The following WWP2 variants were observed in gnomAD, a reference collection of about 807,000 sequenced individuals.
WWP2 encodes the protein NEDD4-like E3 ubiquitin-protein ligase WWP2.
A neutral mutation model predicts 121.0 loss-of-function variants in WWP2; 57 were observed. That is an observed-to-expected ratio of 0.47 (90% CI 0.38 to 0.59). The LOEUF (loss-of-function observed/expected upper bound fraction) is 0.59. Ranked by LOEUF, WWP2 falls within the 20% of genes least tolerant of loss-of-function variation. WWP2 has a pLI of 0.00. For synonymous variants in WWP2, 449 were observed against 441.3 expected, an observed-to-expected ratio of 1.02 and a Z score of -0.22; for missense variants, 962 against 1,158.9, an observed-to-expected ratio of 0.83 and a Z score of 2.47.
chr16:69,813,992 G>C (rs2056444371), intron 4 of WWP2, among the ~76,000 whole-genome samples: 1 of 152,170 alleles, frequency 6.6e-6, no homozygotes, highest in Non-Finnish European at 1.5e-5. Flanking sequence ...TTTTTGAAGT[G>C]TGATCCTGAG....
At chr16:69,841,929 C>T (rs981573524) in intron 5 of WWP2, 95 bp from the exon 6 acceptor site, 3 of 1,274,288 alleles carry the variant, frequency 2.4e-6, no homozygotes, top group Admixed American at 2.0e-5. Flanking sequence ...GCAACTCTAA[C>T]ACACAGACGG....
chr16:69,893,648 TCTCCTGC>T (rs2058064305), intron 8 of WWP2, among the ~76,000 whole-genome samples: 1 of 152,164 alleles, frequency 6.6e-6, no homozygotes. Flanking sequence ...TTCAAACAAT[TCTCCTGC>T]CTCAGCCTCC....
chr16:69,897,203 G>A (rs1035098267), intron 8 of WWP2, among the ~76,000 whole-genome samples: 3 of 151,916 alleles, frequency 2.0e-5, no homozygotes, highest in Non-Finnish European at 4.4e-5. Context: ...CCCAGGCTCA[G>A]GTGATCCTCT....
At chr16:69,911,196 G>A (rs921541382) in intron 9 of WWP2, among the ~76,000 whole-genome samples, 6 of 152,204 alleles carry the variant, frequency 3.9e-5, no homozygotes, top group Non-Finnish European at 7.3e-5. Flanking sequence ...GGCCGTCCCT[G>A]CATAGGAAAC....
chr16:69,814,972 A>G (rs1459058445), intron 4 of WWP2, among the ~76,000 whole-genome samples: 1 of 151,954 alleles, frequency 6.6e-6, no homozygotes, highest in African/African-American at 2.4e-5. Context: ...ATTTATTTTT[A>G]TTATTAGTTT....
At chr16:69,821,042 G>A (rs1012954195) in intron 4 of WWP2, among the ~76,000 whole-genome samples, 4 of 152,210 alleles carry the variant, frequency 2.6e-5, no homozygotes, top group African/African-American at 9.6e-5. Context: ...GCAAGCCGTT[G>A]TTTCATTTTG....
chr16:69,786,862 A>G, intron 1 of WWP2, 134 bp from the exon 2 acceptor site: 2 of 677,854 alleles, frequency 3.0e-6, no homozygotes, highest in Non-Finnish European at 4.9e-6. Context: ...AAGACAAACT[A>G]TACCCTGGTT....
intron 7 of WWP2, among the ~76,000 whole-genome samples, chr16:69,882,608 G>A (rs900679533): frequency 1.3e-5 from 2 of 152,190 alleles, no homozygotes; most frequent in East Asian, 3.9e-4. Flanking sequence ...CATGGGTGCT[G>A]TGGGCTTCAC....
At chr16:69,939,802 C>A in intron 23 of WWP2, 39 bp from the exon 24 acceptor site, 1 of 1,572,828 alleles carries the variant, frequency 6.4e-7, no homozygotes, top group Non-Finnish European at 8.7e-7. Context: ...GAGCCCTGGC[C>A]TCCTAGGGCT....
intron 10 of WWP2, among the ~76,000 whole-genome samples, chr16:69,922,431 C>T (rs1444720716): frequency 6.6e-6 from 1 of 152,242 alleles, no homozygotes; most frequent in Non-Finnish European, 1.5e-5. Flanking sequence ...GGCTCATGGC[C>T]TGCACCCCAG....
chr16:69,815,947 A>T (rs2056481863), intron 4 of WWP2, among the ~76,000 whole-genome samples: 1 of 152,134 alleles, frequency 6.6e-6, no homozygotes, highest in Admixed American at 6.6e-5. Context: ...TTGTAGAGTC[A>T]GGGTCTTACT....
intron 4 of WWP2, among the ~76,000 whole-genome samples, chr16:69,825,685 G>A (rs1331175255): frequency 1.3e-5 from 2 of 150,486 alleles, no homozygotes; most frequent in East Asian, 3.9e-4. Flanking sequence ...AGGTGTAGTG[G>A]TGCGATCACA....
At chr16:69,918,055 T>A (rs2058502418) in intron 10 of WWP2, among the ~76,000 whole-genome samples, 172 bp downstream of exon 10, 1 of 152,220 alleles carries the variant, frequency 6.6e-6, no homozygotes, top group Non-Finnish European at 1.5e-5. Context: ...CAAATTCCAG[T>A]GTGCCTCACT....
chr16:69,899,895 T>C (rs2058174945), intron 8 of WWP2, among the ~76,000 whole-genome samples: 1 of 152,202 alleles, frequency 6.6e-6, no homozygotes, highest in Non-Finnish European at 1.5e-5. Context: ...AAATTTTGAT[T>C]GTCTTAGTCA....
intron 4 of WWP2, among the ~76,000 whole-genome samples, chr16:69,816,553 A>C (rs1459222916): frequency 6.6e-6 from 1 of 151,002 alleles, no homozygotes; most frequent in Non-Finnish European, 1.5e-5. Flanking sequence ...TAAAAAAAGC[A>C]ATACAGGCTC....
At chr16:69,938,294 G>A (rs1196276967) in intron 21 of WWP2, among the ~76,000 whole-genome samples, 2 of 152,048 alleles carry the variant, frequency 1.3e-5, no homozygotes, top group Non-Finnish European at 2.9e-5. Flanking sequence ...GATTACAGGC[G>A]TGAGCCACTG....
chr16:69,908,941 A>C (rs1315966031), intron 9 of WWP2, 91 bp downstream of exon 9: 1 of 1,590,518 alleles, frequency 6.3e-7, no homozygotes, highest in Non-Finnish European at 8.6e-7. Flanking sequence ...CTGCGGAGGT[A>C]GCATAGCACA....
chr16:69,843,246 C>T lies in WWP2; in HGVS notation c.575+1126C>T, dbSNP rs533722323. On this transcript the variant is annotated intron_variant, in intron 6 of 23. Coordinates refer to ENST00000359154, the MANE Select transcript of WWP2 (RefSeq NM_001270454.2). ...GGTTCCCTTGTAATGTTGGTTAAGA[C>T]CTCCTACGCTTAGAGTCCAAATATT... is the stretch of plus-strand genomic sequence containing the variant. Among the ~76,000 whole-genome samples, 4 of 152,104 alleles carry T rather than the reference C, an allele frequency of 2.6e-5. No individual in the cohort carries two copies. The South Asian group carries it at 8.3e-4, about 32-fold the overall frequency.
intron 2 of WWP2, among the ~76,000 whole-genome samples, chr16:69,791,404 T>A (rs2055907858): frequency 6.6e-6 from 1 of 152,104 alleles, no homozygotes. Context: ...ATTTTCGTAT[T>A]TTTAGTAGAG....
Sources: allele counts gnomAD v4.1 joint callset (sites outside exome capture counted in the v4.1 genomes callset), GRCh38; gene constraint gnomAD v4.1.1; transcripts MANE v1.5; gene names NCBI Gene and HGNC (gene_info 2026-07-23, HGNC 2026-07-21).